HTR4: variants seen among roughly 807,000 people sequenced by gnomAD.
The protein encoded by HTR4 is 5-hydroxytryptamine (serotonin) receptor 4, G protein-coupled.
A neutral mutation model predicts 36.8 loss-of-function variants in HTR4; 16 were observed. That is an observed-to-expected ratio of 0.43 (90% CI 0.29 to 0.66). The LOEUF (loss-of-function observed/expected upper bound fraction) is 0.66, where lower values mean the gene tolerates loss of function less well. HTR4 is among the 30% of genes least tolerant of loss of function. The pLI, the probability that HTR4 is intolerant of heterozygous loss-of-function variation, is 0.13. For missense variants in HTR4, 438 were observed against 490.9 expected (o/e 0.89, Z 1.02); for synonymous variants, 189 against 185.1 (o/e 1.02, Z -0.17).
chr5:148,548,925 G>A (rs1759534604), intron 3 of HTR4, 57 bp from the exon 4 acceptor site: 2 of 1,197,248 alleles, frequency 1.7e-6, no homozygotes, highest in Non-Finnish European at 2.5e-6. Context: ...GGAAAAAGGG[G>A]AGGGAGAAGA....
chr5:148,506,247 A>G (rs1757204533), intron 6 of HTR4, among the ~76,000 whole-genome samples: 1 of 152,204 alleles, frequency 6.6e-6, no homozygotes, highest in South Asian at 2.1e-4. Flanking sequence ...GATCTTTGAC[A>G]AACCTGACAA....
Position 148,482,017 on chromosome 5 carries a change from A to C in HTR4, c.*1186T>G. ...CAGAAAGAAAACTTAAAGGTCCTCT[A>C]GTCCAAGCTTGAGTGCACAGATGTG... On this transcript the variant is annotated 3_prime_UTR_variant, in exon 7 of 7. Coordinates refer to ENST00000377888, the MANE Select transcript of HTR4 (RefSeq NM_000870.7). 1 of 995,712 alleles carries C rather than the reference A, an allele frequency of 1.0e-6. No homozygotes were observed. The highest frequency in any genetic ancestry group is 1.2e-6 in the Non-Finnish European group (1 of 836,232). 61.7% of individuals were successfully genotyped at this position (995,712 alleles called of 1,614,324 possible).
Position 148,654,367 on chromosome 5 carries a change from C to T in HTR4, c.-353G>A. 1.0e-6 allele frequency: 1 copy of T among 985,452 alleles called. No individual in the cohort carries two copies. The highest frequency in any genetic ancestry group is 4.7e-5 in the South Asian group (1 of 21,292). The allele number at this position is 985,452 out of a possible 1,614,324, so 61.0% of individuals were successfully genotyped here. On this transcript the variant is annotated 5_prime_UTR_variant, in exon 1 of 7. Transcript: ENST00000377888. The stretch of plus-strand genomic sequence containing the variant: ...CAGCCCCCAGCCCCGGTGGTCCCCG[C>T]TGCCCTGCCCGCTGCCGCCCCCACT...
At position 148,503,098 on chromosome 5, in the gene HTR4, C is replaced by T. The variant is rs1459533379; in HGVS notation, c.1076+6358G>A. 1.2e-4 allele frequency among the ~76,000 whole-genome samples: 18 copies of T among 152,158 alleles called. 1 individual carries two copies. The highest frequency in any genetic ancestry group is 1.2e-3 in the Admixed American group (18 of 15,282). On this transcript the variant is annotated intron_variant, in intron 6 of 6. Transcript: ENST00000377888. ...ATATTATCCAGGAGAACTTCCCCAA[C>T]CTAGCAAGGCAGGCCAACATTTGAA...
chr5:148,566,402 A>G (rs899588956), intron 2 of HTR4, among the ~76,000 whole-genome samples: 6 of 152,206 alleles, frequency 3.9e-5, no homozygotes, highest in African/African-American at 1.2e-4. Context: ...TAAGATTTGT[A>G]TAACTACAAG....
intron 4 of HTR4, among the ~76,000 whole-genome samples, chr5:148,536,001 A>G (rs1451580199): frequency 6.6e-6 from 1 of 152,142 alleles, no homozygotes; most frequent in Non-Finnish European, 1.5e-5. Flanking sequence ...AGAGGAGGTC[A>G]CCTACAAAGG....
chr5:148,500,288 T>C (rs1756879179), intron 6 of HTR4, among the ~76,000 whole-genome samples: 1 of 152,002 alleles, frequency 6.6e-6, no homozygotes, highest in Non-Finnish European at 1.5e-5. Context: ...TTTAAAGTTA[T>C]AGATGGTGAA....
chr5:148,509,498 G>A lies in HTR4; in HGVS notation c.1034C>T (p.Pro345Leu). ...TCCATTAATGGTTGTGGTTGAACAAGGGACAGTCTGGCCCAGAATGGAAGG... is the reference window on the plus strand; with the variant it reads ...TCCATTAATGGTTGTGGTTGAACAAAGGACAGTCTGGCCCAGAATGGAAGG... Reference protein sequence around the residue: ...RRPSILGQTVPCSTTTINGST... With the variant: ...RRPSILGQTVLCSTTTINGST... Residue 345 changes from proline (P) to leucine (L), a missense_variant, in exon 6 of 7, where the codon CCT becomes CTT. Transcript: ENST00000377888. 6.2e-7 allele frequency: 1 copy of A among 1,613,040 alleles called. No individual in the cohort carries two copies. Among genetic ancestry groups the A allele is most frequent in the Non-Finnish European group, 8.5e-7 (1 of 1,179,546 alleles).
chr5:148,486,018 C>T (rs992441433), intron 6 of HTR4, among the ~76,000 whole-genome samples: 12 of 152,100 alleles, frequency 7.9e-5, no homozygotes, highest in Non-Finnish European at 1.6e-4. Context: ...ATTGAAAATA[C>T]TCTAGTATTG....
At chr5:148,486,165 CAG>C (rs896571413) in intron 6 of HTR4, among the ~76,000 whole-genome samples, 3 of 152,296 alleles carry the variant, frequency 2.0e-5, no homozygotes, top group African/African-American at 7.2e-5. Flanking sequence ...AGAATAATGA[CAG>C]AGTGATCTTA....
chr5:148,479,005 G>GT (rs571265831), downstream of HTR4, among the ~76,000 whole-genome samples: 99 of 148,670 alleles, frequency 6.7e-4, no homozygotes, highest in African/African-American at 1.2e-3. Context: ...GCCCCCTCCA[G>GT]TTTTTTTTTT....
At chr5:148,461,107 A>T (rs551796977) in intron 5 of HTR4, among the ~76,000 whole-genome samples, 2 of 152,098 alleles carry the variant, frequency 1.3e-5, no homozygotes, top group Non-Finnish European at 2.9e-5. Flanking sequence ...CCACTAAAAA[A>T]AGTAAAAATA....
intron 2 of HTR4, chr5:148,629,114 G>A (rs975027259): frequency 1.3e-5 from 2 of 152,022 alleles, no homozygotes; most frequent in African/African-American, 4.8e-5. Context: ...AATAAAGATT[G>A]GTAATAAAAG....
intron 2 of HTR4, among the ~76,000 whole-genome samples, chr5:148,604,370 A>G (rs1279073427): frequency 6.6e-6 from 1 of 152,188 alleles, no homozygotes; most frequent in Non-Finnish European, 1.5e-5. Context: ...TCTTCATAAA[A>G]AAAAAGATAT....
chr5:148,639,567 A>G (rs768702589), intron 1 of HTR4, among the ~76,000 whole-genome samples: 46 of 144,766 alleles, frequency 3.2e-4, no homozygotes, highest in South Asian at 6.7e-4. Context: ...TTCACACCCC[A>G]TTTTCTAAAA....
chr5:148,460,282 T>C lies in HTR4; in HGVS notation c.1077-9010A>G, dbSNP rs545975685. ...CAAATGAATGTCAGATGCCAAACTATAGATCCAGGAAGCTCAGAGAATACC... is the reference window on the plus strand; with the variant it reads ...CAAATGAATGTCAGATGCCAAACTACAGATCCAGGAAGCTCAGAGAATACC... On this transcript the variant is annotated intron_variant, in intron 5 of 5. Transcript: ENST00000521530. Among the ~76,000 whole-genome samples the C allele has an allele frequency of 5.3e-5, 8 of 152,160 alleles. No individual in the cohort carries two copies. The South Asian group carries it at 1.0e-3, about 20-fold the overall frequency.
At chr5:148,461,294 G>T (rs553444110) in intron 5 of HTR4, among the ~76,000 whole-genome samples, 1 of 151,824 alleles carries the variant, frequency 6.6e-6, no homozygotes, top group East Asian at 1.9e-4. Flanking sequence ...ATGATAATTG[G>T]CCTAAATACA....
At chr5:148,645,250 T>C (rs1753847073) in intron 1 of HTR4, 1 of 152,152 alleles carries the variant, frequency 6.6e-6, no homozygotes, top group Non-Finnish European at 1.5e-5. Flanking sequence ...TATTTTAGGC[T>C]TTCAAGAGCA....
chr5:148,476,209 CTA>C (rs1324334570), downstream of HTR4, among the ~76,000 whole-genome samples: 11 of 152,210 alleles, frequency 7.2e-5, no homozygotes, highest in Admixed American at 7.2e-4. Flanking sequence ...TTCATTTGCT[CTA>C]TGTTGTCTCA....
Sources: allele counts gnomAD v4.1 joint callset (sites outside exome capture counted in the v4.1 genomes callset), GRCh38; gene constraint gnomAD v4.1.1; transcripts MANE v1.5; gene names NCBI Gene and HGNC (gene_info 2026-07-23, HGNC 2026-07-21).